Variants in YTHDF2 observed in about 807,000 individuals in gnomAD.
YTHDF2 encodes YTH domain-containing family protein 2.
Under a neutral mutation model 50.4 loss-of-function variants are expected in YTHDF2, and 2 were observed. That is an observed-to-expected ratio of 0.04 (90% confidence interval 0.02 to 0.12). The LOEUF is 0.12. Ranked by LOEUF, YTHDF2 falls within the 10% of genes least tolerant of loss-of-function variation. The probability of loss-of-function intolerance (pLI) is 1.00; values close to 1 mark genes in which losing one functional copy is unlikely to be tolerated. For missense variants in YTHDF2, 483 were observed against 722.6 expected (o/e 0.67, Z 3.80); for synonymous variants, 217 against 255.6 (o/e 0.85, Z 1.44).
At chr1:28,742,284 C>G (rs375737641) in intron 3 of YTHDF2, 119 bp from the exon 4 acceptor site, 3 of 1,322,344 alleles carry the variant, frequency 2.3e-6, no homozygotes, top group Non-Finnish European at 3.0e-6. Flanking sequence ...TGTGAGCCAC[C>G]GCGTCCGGCC....
At chr1:28,746,108 A>G (rs1472363789) in intron 4 of YTHDF2, among the ~76,000 whole-genome samples, 2 of 152,144 alleles carry the variant, frequency 1.3e-5, no homozygotes, top group African/African-American at 2.4e-5. Flanking sequence ...TAGACATCTG[A>G]AGGGCTCTAA....
At chr1:28,763,245 G>A (rs1189746824) in intron 4 of YTHDF2, among the ~76,000 whole-genome samples, 3 of 152,156 alleles carry the variant, frequency 2.0e-5, no homozygotes, top group African/African-American at 2.4e-5. Flanking sequence ...GTCTGGACTT[G>A]TAGTTTCCTA....
intron 4 of YTHDF2, among the ~76,000 whole-genome samples, chr1:28,760,271 T>TG (rs2088099534): frequency 5.4e-5 from 8 of 147,252 alleles, no homozygotes; most frequent in South Asian, 2.2e-4. Flanking sequence ...ACATAGTAGG[T>TG]TGTGTGTGTG....
intron 4 of YTHDF2, among the ~76,000 whole-genome samples, chr1:28,764,477 C>T (rs2088187748): frequency 6.6e-6 from 1 of 150,694 alleles, no homozygotes; most frequent in Non-Finnish European, 1.5e-5. Flanking sequence ...GTTTCACCAT[C>T]TTGCCCAGGC....
At chr1:28,763,247 A>G (rs2088161419) in intron 4 of YTHDF2, among the ~76,000 whole-genome samples, 1 of 152,100 alleles carries the variant, frequency 6.6e-6, no homozygotes, top group African/African-American at 2.4e-5. Context: ...CTGGACTTGT[A>G]GTTTCCTAAT....
At chr1:28,752,143 C>T (rs112643045) in intron 4 of YTHDF2, among the ~76,000 whole-genome samples, 359 of 152,292 alleles carry the variant, frequency 2.4e-3, no homozygotes, top group African/African-American at 8.4e-3. Context: ...TTCAAGAATA[C>T]CTTTCTGTAC....
intron 4 of YTHDF2, among the ~76,000 whole-genome samples, chr1:28,753,907 A>C (rs1013270356): frequency 2.0e-5 from 3 of 151,854 alleles, no homozygotes; most frequent in Admixed American, 2.0e-4. Context: ...GGGTTTCATC[A>C]TGTTGGCTAG....
At chr1:28,760,037 G>A (rs1287937308) in intron 4 of YTHDF2, among the ~76,000 whole-genome samples, 2 of 152,052 alleles carry the variant, frequency 1.3e-5, no homozygotes, top group Admixed American at 6.6e-5. Context: ...ACCTACACAG[G>A]CTCAGGATCA....
chr1:28,753,704 C>A (rs199866900), intron 4 of YTHDF2, among the ~76,000 whole-genome samples: 1 of 132,514 alleles, frequency 7.5e-6, no homozygotes, highest in Non-Finnish European at 1.6e-5. Context: ...GGATTTTATT[C>A]TTTTTTTTTT....
intron 4 of YTHDF2, among the ~76,000 whole-genome samples, chr1:28,768,276 A>C (rs757993518): frequency 2.6e-5 from 4 of 152,222 alleles, no homozygotes; most frequent in African/African-American, 4.8e-5. Context: ...TAAGTTTCTG[A>C]AAGACTCATA....
chr1:28,757,444 C>A (rs1484789458), intron 4 of YTHDF2, among the ~76,000 whole-genome samples: 1 of 152,084 alleles, frequency 6.6e-6, no homozygotes, highest in Non-Finnish European at 1.5e-5. Flanking sequence ...CTTTCCAACT[C>A]ATTTGCACTT....
chr1:28,754,501 G>C (rs545267894), intron 4 of YTHDF2, among the ~76,000 whole-genome samples: 2 of 152,022 alleles, frequency 1.3e-5, no homozygotes, highest in East Asian at 3.9e-4. Flanking sequence ...CTGCACTCCA[G>C]CCTGGGCGAA....
chr1:28,743,373 G>A lies in YTHDF2; in HGVS notation c.1103G>A (p.Gly368Asp), dbSNP rs1329420515. The change falls in exon 4 of 5, where the codon GGT becomes GAT. Residue 368 changes from glycine to aspartate, a missense_variant. Physicochemically the swap from Gly to Asp is moderately conservative, Grantham distance 94 (BLOSUM62 -1). This residue lies in a region of YTHDF2 where 385 missense variants were observed against 475.8 expected (regional missense o/e 0.81). Transcript: ENST00000373812. The surrounding 1 kb of genome is among the most constrained non-coding windows in gnomAD (Gnocchi z 6.9). ...GSGFGHNGVDGNGVGQSQAGS... is the reference protein window; with the variant it reads ...GSGFGHNGVDDNGVGQSQAGS... ...GGGTTCGGTCATAATGGGGTGGATG[G>A]TAATGGAGTAGGACAGTCTCAGGCT... 2 of 1,614,070 alleles carry A rather than the reference G, an allele frequency of 1.2e-6. No homozygotes were observed. The highest frequency in any genetic ancestry group is 1.7e-6 in the Non-Finnish European group (2 of 1,180,052).
At chr1:28,751,650 A>G (rs188632185) in intron 4 of YTHDF2, among the ~76,000 whole-genome samples, 3 of 152,210 alleles carry the variant, frequency 2.0e-5, no homozygotes, top group African/African-American at 7.2e-5. Flanking sequence ...TTGAATTTGT[A>G]TCTCTGAACC....
rs116795104 is a variant in YTHDF2, at chr1:28,767,216, C to A, written c.1717-1713C>A. ...ATATTGAACATAGGTATTTGTGAGA[C>A]TTAAAATTGCACATTATAAAGAGGA... is the stretch of plus-strand genomic sequence containing the variant. On this transcript the variant is annotated intron_variant, in intron 4 of 4. Coordinates refer to ENST00000373812, the MANE Select transcript of YTHDF2 (RefSeq NM_016258.3). Among the ~76,000 whole-genome samples, 998 of 152,148 alleles carry A rather than the reference C, an allele frequency of 6.6e-3. 9 individuals are homozygous for A. Among genetic ancestry groups the A allele is most frequent in the Middle Eastern group, 0.051 (15 of 294 alleles).
chr1:28,738,913 AACGTAAT>A (rs1361759294), intron 3 of YTHDF2, among the ~76,000 whole-genome samples: 6 of 152,226 alleles, frequency 3.9e-5, no homozygotes, highest in Non-Finnish European at 8.8e-5. Context: ...CTGTATTGAG[AACGTAAT>A]ACTGATAACA....
chr1:28,745,451 A>G (rs948808926), intron 4 of YTHDF2, among the ~76,000 whole-genome samples: 1 of 152,236 alleles, frequency 6.6e-6, no homozygotes, highest in Non-Finnish European at 1.5e-5. Context: ...CTTCCATATT[A>G]AGCCTGGCGT....
intron 4 of YTHDF2, among the ~76,000 whole-genome samples, chr1:28,760,310 T>A (rs1422325897): frequency 6.8e-6 from 1 of 146,790 alleles, no homozygotes; most frequent in African/African-American, 2.6e-5. Context: ...TGTGTGTGTG[T>A]GTGTGACGGA....
Position 28,742,743 on chromosome 1 carries a change from G to C in YTHDF2, c.473G>C (p.Ser158Thr). Residue 158 changes from serine (S) to threonine (T), a missense_variant, in exon 4 of 5, where the codon AGC becomes ACC. By Grantham distance (58) the Ser-to-Thr change is moderately conservative. This residue lies in a region of YTHDF2 where 385 missense variants were observed against 475.8 expected (regional missense o/e 0.81). Coordinates refer to ENST00000373812, the MANE Select transcript of YTHDF2 (RefSeq NM_016258.3). ...AGTAGCAATTATGCTTATGCACCTA[G>C]CTCCTTAGGTGGAGCCATGATTGAT... ...GYSSNYAYAP[S>T]SLGGAMIDGQ... The C allele has an allele frequency of 6.2e-7, 1 of 1,614,170 alleles. No individual in the cohort carries two copies. The highest frequency in any genetic ancestry group is 8.5e-7 in the Non-Finnish European group (1 of 1,180,044).
Sources: allele counts gnomAD v4.1 joint callset (sites outside exome capture counted in the v4.1 genomes callset), GRCh38; gene constraint gnomAD v4.1.1; regional missense constraint gnomAD v4.1.1; non-coding constraint Gnocchi (gnomAD v3.1); transcripts MANE v1.5; gene names NCBI Gene and HGNC (gene_info 2026-07-23, HGNC 2026-07-21).